SNED1: variants seen among roughly 807,000 people sequenced by gnomAD.
The protein encoded by SNED1 is sushi, nidogen and EGF-like domain-containing protein 1.
A neutral mutation model predicts 166.7 loss-of-function variants in SNED1; 81 were observed. The ratio of observed to expected loss-of-function variants is 0.49; its 90% CI spans 0.41 to 0.58. The LOEUF is 0.58. Ranked by LOEUF, SNED1 falls within the 20% of genes least tolerant of loss-of-function variation. SNED1 has a pLI of 0.00. For synonymous variants in SNED1, 762 were observed against 822.0 expected (o/e 0.93, Z 1.25); for missense variants, 1,604 against 2,000.2 (o/e 0.80, Z 3.78).
At position 241,053,157 on chromosome 2, in the gene SNED1, G is replaced by T; in HGVS notation, c.2088G>T (p.Val696=). 6.2e-7 allele frequency: 1 copy of T among 1,609,512 alleles called. No homozygotes were observed. ...GYMGRRCQAE[V]DCGPPEEVKH... The stretch of plus-strand genomic sequence containing the variant: ...ACAGGCTGCCGTGCCTTGCAGAGGT[G>T]GACTGCGGCCCCCCGGAGGAGGTGA... The change falls in exon 16 of 32, where the codon GTG becomes GTT. Residue 696 remains valine, a synonymous_variant. Coordinates refer to ENST00000310397, the MANE Select transcript of SNED1 (RefSeq NM_001080437.3).
intron 1 of SNED1, among the ~76,000 whole-genome samples, chr2:241,011,695 G>A (rs1296624951): frequency 1.3e-5 from 2 of 152,262 alleles, no homozygotes; most frequent in Admixed American, 1.3e-4. Flanking sequence ...TGAAGAAGGA[G>A]AGGGACCCCA....
At chr2:241,037,910 C>T (rs1367986617) in intron 6 of SNED1, among the ~76,000 whole-genome samples, 1 of 152,196 alleles carries the variant, frequency 6.6e-6, no homozygotes, top group East Asian at 1.9e-4. Context: ...CCCTCTCCAT[C>T]CTCACTGCTG....
chr2:241,018,021 G>C lies in SNED1; in HGVS notation c.214-12263G>C, dbSNP rs2060651352. 6.6e-6 allele frequency among the ~76,000 whole-genome samples: 1 copy of C among 152,192 alleles called. No individual in the cohort carries two copies. The highest frequency in any genetic ancestry group is 6.5e-5 in the Admixed American group (1 of 15,280). On this transcript the variant is annotated intron_variant, in intron 1 of 31. Coordinates refer to ENST00000310397, the MANE Select transcript of SNED1 (RefSeq NM_001080437.3). This position sits in a 1 kb window ranked among gnomAD's most constrained non-coding sequence, Gnocchi z 5.4. ...TGTCCCGGGGACCCCCTCAGTTCCA[G>C]GCAAACCAAGGTGGTGGGTACCTTG...
chr2:241,017,876 G>C (rs896204607), intron 1 of SNED1, among the ~76,000 whole-genome samples: 1 of 152,210 alleles, frequency 6.6e-6, no homozygotes, highest in African/African-American at 2.4e-5. Flanking sequence ...GCCCATGCAA[G>C]GAGTTTGACT....
In SNED1 at chr2:241,067,856, G is replaced by A. The variant is rs762126032; in HGVS notation, c.3103G>A (p.Val1035Ile). 25 of 1,613,368 alleles carry A rather than the reference G, an allele frequency of 1.5e-5. No individual in the cohort carries two copies. The highest frequency in any genetic ancestry group is 1.1e-4 in the African/African-American group (8 of 74,940). Residue 1035 changes from valine to isoleucine, a missense_variant, in exon 22 of 32, where the codon GTC becomes ATC. Physicochemically the swap from Val to Ile is conservative, Grantham distance 29. Coordinates refer to ENST00000310397, the MANE Select transcript of SNED1 (RefSeq NM_001080437.3). ...WALHRIRHATVSGVRVSIRHP... is the reference protein window; with the variant it reads ...WALHRIRHATISGVRVSIRHP... ...CCTGCACAGGATCCGCCATGCCACCGTCAGTGGGGTCCGTGTGTCCATCCG... is the reference window on the plus strand; with the variant it reads ...CCTGCACAGGATCCGCCATGCCACCATCAGTGGGGTCCGTGTGTCCATCCG...
At chr2:241,046,740 C>A (rs1203398166) in intron 8 of SNED1, among the ~76,000 whole-genome samples, 2 of 152,146 alleles carry the variant, frequency 1.3e-5, no homozygotes, top group Non-Finnish European at 2.9e-5. Flanking sequence ...TTAAACAAAT[C>A]TATATATGTG....
intron 1 of SNED1, among the ~76,000 whole-genome samples, chr2:241,000,458 C>T (rs2060046040): frequency 6.6e-6 from 1 of 152,204 alleles, no homozygotes; most frequent in Non-Finnish European, 1.5e-5. Flanking sequence ...GTGGGTAGGA[C>T]AGAATGGTGC....
At chr2:241,031,385 G>T (rs1254689438) in intron 2 of SNED1, among the ~76,000 whole-genome samples, 2 of 152,114 alleles carry the variant, frequency 1.3e-5, no homozygotes. Context: ...GGCTGGTCTC[G>T]AACTCCTGAC....
At chr2:241,072,063 A>C (rs550938363) in intron 26 of SNED1, 185 bp downstream of exon 26, 6 of 703,302 alleles carry the variant, frequency 8.5e-6, no homozygotes, top group Non-Finnish European at 1.3e-5. Flanking sequence ...ATGCACCTCC[A>C]TGGCAGGAGG....
At chr2:241,042,581 C>T (rs1452768085) in intron 8 of SNED1, among the ~76,000 whole-genome samples, 1 of 152,036 alleles carries the variant, frequency 6.6e-6, no homozygotes. Flanking sequence ...CCAGAAATGA[C>T]AGAATTAGCA....
At chr2:241,059,870 C>T (rs1258919936) in intron 16 of SNED1, among the ~76,000 whole-genome samples, 2 of 152,134 alleles carry the variant, frequency 1.3e-5, no homozygotes, top group Non-Finnish European at 2.9e-5. Context: ...CCATTCAGTA[C>T]GTATTCCCAG....
chr2:241,038,138 C>T (rs1164297769), intron 6 of SNED1, among the ~76,000 whole-genome samples: 1 of 152,038 alleles, frequency 6.6e-6, no homozygotes, highest in African/African-American at 2.4e-5. Context: ...AAGGGAGCCC[C>T]TAAAATCAAA....
At chr2:241,065,029 C>T (rs1250395079) in intron 20 of SNED1, 72 bp downstream of exon 20, 3 of 1,204,148 alleles carry the variant, frequency 2.5e-6, no homozygotes, top group Non-Finnish European at 3.4e-6. Context: ...CCAACGGTCT[C>T]CAAGGGCAGA....
Position 241,049,105 on chromosome 2 carries a change from G to T in SNED1, c.1588G>T (p.Val530Phe), listed in dbSNP as rs763896728. 3 of 1,611,828 alleles carry T rather than the reference G, an allele frequency of 1.9e-6. No individual in the cohort carries two copies. The Admixed American group carries it at 5.0e-5, about 27-fold the overall frequency. Reference protein sequence around the residue: ...CMEHGGSYLCVCHTDHNASHS... With the variant: ...CMEHGGSYLCFCHTDHNASHS... Reference sequence around the variant, plus strand: ...GGAGCACGGCGGGAGCTACCTCTGCGTCTGCCACACCGACCACAATGCCAG... The same window carrying T: ...GGAGCACGGCGGGAGCTACCTCTGCTTCTGCCACACCGACCACAATGCCAG... The change falls in exon 11 of 32, where the codon GTC (valine) becomes TTC (phenylalanine). Residue 530 changes from valine to phenylalanine, a missense_variant. Around this residue, in one of 2 missense-constraint regions of SNED1, gnomAD observed 1,237 missense variants for 1,620.8 expected, o/e 0.76. Transcript: ENST00000310397.
chr2:241,036,716 A>T (rs1471383729), intron 4 of SNED1, 74 bp from the exon 5 acceptor site: 1 of 1,579,446 alleles, frequency 6.3e-7, no homozygotes, highest in Non-Finnish European at 8.6e-7. Flanking sequence ...GGGAAGGGAG[A>T]TGCGGATGGG....
intron 27 of SNED1, among the ~76,000 whole-genome samples, chr2:241,076,802 G>A (rs1325254530): frequency 2.0e-5 from 3 of 151,866 alleles, no homozygotes; most frequent in African/African-American, 7.3e-5. Flanking sequence ...AAAGAACTGA[G>A]AGTCCAGGGC....
chr2:241,064,335 A>G lies in SNED1; in HGVS notation c.2599+210A>G, dbSNP rs937687299. Among the ~76,000 whole-genome samples, 5 of 149,948 alleles carry G rather than the reference A, an allele frequency of 3.3e-5. No individual in the cohort carries two copies. Among genetic ancestry groups the G allele is most frequent in the African/African-American group, 1.2e-4 (5 of 40,526 alleles). On this transcript the variant is annotated intron_variant, in intron 19 of 31. Transcript: ENST00000310397. The surrounding 1 kb of genome is among the most constrained non-coding windows in gnomAD (Gnocchi z 7.0). ...ACAATGGTGCCTTCTAAACCTCCCCATCTCCTGCGCTCACCCCCCAGACAC... is the reference window on the plus strand; with the variant it reads ...ACAATGGTGCCTTCTAAACCTCCCCGTCTCCTGCGCTCACCCCCCAGACAC...
In SNED1 at chr2:241,013,775, T is replaced by C. The variant is rs1228143086; in HGVS notation, c.213+14725T>C. On this transcript the variant is annotated intron_variant, in intron 1 of 31. Coordinates refer to ENST00000310397, the MANE Select transcript of SNED1 (RefSeq NM_001080437.3). This position sits in a 1 kb window ranked among gnomAD's most constrained non-coding sequence, Gnocchi z 4.6. ...CTCTCTTTGTCATGGCTGAATAATA[T>C]TCCCTTGTGTGTACATATGTCTGTA... is the stretch of plus-strand genomic sequence containing the variant. Among the ~76,000 whole-genome samples the C allele has an allele frequency of 2.0e-5, 3 of 152,332 alleles. No homozygotes were observed. Among genetic ancestry groups the C allele is most frequent in the Middle Eastern group, 3.4e-3 (1 of 294 alleles).
At chr2:241,089,849 T>C (rs894012296) in intron 31 of SNED1, 15 of 1,408,530 alleles carry the variant, frequency 1.1e-5, no homozygotes, top group African/African-American at 7.2e-5. Flanking sequence ...GCAGAGCCCA[T>C]GCTCCCGGGC....
Sources: allele counts gnomAD v4.1 joint callset (sites outside exome capture counted in the v4.1 genomes callset), GRCh38; gene constraint gnomAD v4.1.1; regional missense constraint gnomAD v4.1.1; non-coding constraint Gnocchi (gnomAD v3.1); transcripts MANE v1.5; gene names NCBI Gene and HGNC (gene_info 2026-07-23, HGNC 2026-07-21).